AGBL4: variants seen among roughly 807,000 people sequenced by gnomAD.
AGBL4 encodes the protein AGBL carboxypeptidase 4.
Under a neutral mutation model 66.4 loss-of-function variants are expected in AGBL4, and 58 were observed. The ratio of observed to expected loss-of-function variants is 0.87; its 90% CI spans 0.71 to 1.09. The LOEUF is 1.09. AGBL4 is among the 50% of genes least tolerant of loss of function. The pLI, the probability that AGBL4 is intolerant of heterozygous loss-of-function variation, is 0.00. For missense variants in AGBL4, 579 were observed against 631.0 expected, an observed-to-expected ratio of 0.92 and a Z score of 0.88; for synonymous variants, 234 against 222.9, an observed-to-expected ratio of 1.05 and a Z score of -0.44.
intron 4 of AGBL4, among the ~76,000 whole-genome samples, chr1:49,120,981 T>C (rs1645641305): frequency 6.6e-6 from 1 of 152,206 alleles, no homozygotes; most frequent in Non-Finnish European, 1.5e-5. Flanking sequence ...ATACCCTTTC[T>C]TCCACTTGAT....
chr1:48,847,764 T>G (rs1210510765), intron 6 of AGBL4, among the ~76,000 whole-genome samples: 1 of 152,208 alleles, frequency 6.6e-6, no homozygotes, highest in Non-Finnish European at 1.5e-5. Flanking sequence ...TTGGGTTGAA[T>G]TAAACTTAGT....
At chr1:49,556,621 C>T (rs1470502945) in intron 3 of AGBL4, among the ~76,000 whole-genome samples, 2 of 152,016 alleles carry the variant, frequency 1.3e-5, no homozygotes, top group African/African-American at 2.4e-5. Flanking sequence ...AGTCACCACC[C>T]GACTCAGGAG....
intron 11 of AGBL4, among the ~76,000 whole-genome samples, chr1:48,565,210 C>A (rs1186755749): frequency 6.6e-6 from 1 of 152,154 alleles, no homozygotes; most frequent in Admixed American, 6.5e-5. Flanking sequence ...GAAATCACTG[C>A]CCTCTCCCAA....
At chr1:48,632,382 G>A (rs577430744) in intron 9 of AGBL4, among the ~76,000 whole-genome samples, 8 of 152,258 alleles carry the variant, frequency 5.3e-5, no homozygotes, top group South Asian at 2.1e-4. Flanking sequence ...ATGAATGAGC[G>A]CCCGGTTGTT....
intron 3 of AGBL4, among the ~76,000 whole-genome samples, chr1:49,347,152 A>G (rs1435988755): frequency 6.6e-6 from 1 of 152,010 alleles, no homozygotes; most frequent in Non-Finnish European, 1.5e-5. Context: ...TATCTTCTAT[A>G]TAAACAAGCA....
chr1:49,573,859 G>A (rs1442085603), intron 3 of AGBL4, among the ~76,000 whole-genome samples: 1 of 152,152 alleles, frequency 6.6e-6, no homozygotes, highest in Non-Finnish European at 1.5e-5. Context: ...CACTGAGTTT[G>A]TAAACTCTGA....
At chr1:49,874,762 G>T (rs1359149222) in intron 1 of AGBL4, among the ~76,000 whole-genome samples, 1 of 152,032 alleles carries the variant, frequency 6.6e-6, no homozygotes, top group Non-Finnish European at 1.5e-5. Flanking sequence ...AATGGTTCAT[G>T]TACATCACAC....
intron 11 of AGBL4, among the ~76,000 whole-genome samples, chr1:48,568,120 G>C (rs542696247): frequency 1.3e-5 from 2 of 152,272 alleles, no homozygotes; most frequent in South Asian, 4.1e-4. Context: ...TACAGTTGCT[G>C]TTTTTCTTTT....
intron 6 of AGBL4, among the ~76,000 whole-genome samples, chr1:48,847,169 G>A (rs920369917): frequency 3.3e-5 from 5 of 151,772 alleles, no homozygotes; most frequent in Non-Finnish European, 4.4e-5. Flanking sequence ...GCATGGTGGC[G>A]CATGCCTGTA....
rs560490770 is a variant in AGBL4, at chr1:49,962,108, C to A, written c.34+61655G>T. Among the ~76,000 whole-genome samples, 13 of 152,212 alleles carry A rather than the reference C, an allele frequency of 8.5e-5. No homozygotes were observed. In the South Asian group the frequency reaches 2.7e-3, roughly 32 times the overall value. On this transcript the variant is annotated intron_variant, in intron 1 of 13. Coordinates refer to ENST00000371839, the MANE Select transcript of AGBL4 (RefSeq NM_032785.4). ...GGGAAAAGAAGACTACTAATTTTAA[C>A]CTGCATTAATTATCTTAATGGTCTA... is the stretch of plus-strand genomic sequence containing the variant.
chr1:49,888,859 T>C (rs1044609418), intron 1 of AGBL4, among the ~76,000 whole-genome samples: 4 of 152,168 alleles, frequency 2.6e-5, no homozygotes, highest in Non-Finnish European at 5.9e-5. Flanking sequence ...CCTCGTAGTA[T>C]CCACAAAAGT....
intron 11 of AGBL4, among the ~76,000 whole-genome samples, chr1:48,558,012 GAATA>G (rs1644345940): frequency 1.3e-5 from 2 of 152,064 alleles, no homozygotes; most frequent in Non-Finnish European, 2.9e-5. Flanking sequence ...AAAAGTAAAG[GAATA>G]AATAAATAAC....
Position 49,157,812 on chromosome 1 carries a change from G to T in AGBL4, c.377+87958C>A, listed in dbSNP as rs192010895. Among the ~76,000 whole-genome samples the T allele has an allele frequency of 5.3e-5, 8 of 152,168 alleles. No individual in the cohort carries two copies. In the East Asian group the frequency reaches 1.4e-3, roughly 26 times the overall value. On this transcript the variant is annotated intron_variant, in intron 4 of 13. Coordinates refer to ENST00000371839, the MANE Select transcript of AGBL4 (RefSeq NM_032785.4). ...TGGTATCTCATTGTGGTTTTGATTT[G>T]CATTTCTCTAATGACCAGTGATGAT...
intron 4 of AGBL4, among the ~76,000 whole-genome samples, chr1:49,072,586 T>C (rs1261089277): frequency 6.6e-6 from 1 of 152,244 alleles, no homozygotes; most frequent in East Asian, 1.9e-4. Flanking sequence ...CTCTTCTGGC[T>C]TGTAGTGCTT....
intron 6 of AGBL4, among the ~76,000 whole-genome samples, chr1:48,780,374 A>G (rs1056110837): frequency 3.9e-5 from 6 of 152,190 alleles, no homozygotes; most frequent in Admixed American, 3.9e-4. Context: ...TATAGATTCA[A>G]TGCTATCCCC....
chr1:49,653,842 G>A (rs936675681), intron 3 of AGBL4, among the ~76,000 whole-genome samples: 3 of 151,474 alleles, frequency 2.0e-5, no homozygotes, highest in East Asian at 2.0e-4. Flanking sequence ...CTGAACGTAC[G>A]ACTGATAGAG....
At chr1:49,031,620 A>C (rs2149036091) in intron 5 of AGBL4, among the ~76,000 whole-genome samples, 1 of 152,242 alleles carries the variant, frequency 6.6e-6, no homozygotes, top group East Asian at 1.9e-4. Flanking sequence ...TCTTCAAAAA[A>C]AGATATATAG....
intron 3 of AGBL4, among the ~76,000 whole-genome samples, chr1:49,660,499 G>C (rs190999268): frequency 1.5e-4 from 23 of 152,268 alleles, no homozygotes; most frequent in Admixed American, 7.2e-4. Flanking sequence ...TTACACTGTT[G>C]GTAGGAATGG....
chr1:49,650,235 A>G (rs1645975541), intron 3 of AGBL4, among the ~76,000 whole-genome samples: 1 of 152,220 alleles, frequency 6.6e-6, no homozygotes, highest in South Asian at 2.1e-4. Context: ...AAGTGAGCCA[A>G]GGTCTGTGAG....
Sources: gnomAD v4.1 joint callset for allele counts (sites outside exome capture counted in the v4.1 genomes callset) on GRCh38, gnomAD v4.1.1 for gene constraint, MANE v1.5 for transcripts, NCBI Gene and HGNC (gene_info 2026-07-23, HGNC 2026-07-21) for gene names.